Variants in RIC3 observed in about 807,000 individuals in gnomAD.
RIC3 encodes protein RIC-3.
A neutral mutation model predicts 27.3 loss-of-function variants in RIC3; 28 were observed. That is an observed-to-expected ratio of 1.02 (90% CI 0.76 to 1.41). The LOEUF is 1.41. RIC3 is among the 40% of genes most tolerant of loss of function. The pLI is 0.00. For missense variants in RIC3, 501 were observed against 444.7 expected (o/e 1.13, Z -1.14); for synonymous variants, 184 against 160.4 (o/e 1.15, Z -1.11).
rs546783626 is a variant in RIC3, at chr11:8,120,342, A to G, written c.670+6317T>C. The stretch of plus-strand genomic sequence containing the variant: ...TAAGAAAATGTGGCATATATACACC[A>G]TGGAATACTATGCATCCATAAAAAA... On this transcript the variant is annotated intron_variant, in intron 5 of 5. Coordinates refer to ENST00000309737, the MANE Select transcript of RIC3 (RefSeq NM_001206671.4). Among the ~76,000 whole-genome samples, 3 of 152,342 alleles carry G rather than the reference A, an allele frequency of 2.0e-5. No homozygotes were observed. In the South Asian group the frequency reaches 6.2e-4, roughly 32 times the overall value.
chr11:8,131,468 A>G (rs1471514774), intron 4 of RIC3, among the ~76,000 whole-genome samples: 2 of 152,188 alleles, frequency 1.3e-5, no homozygotes, highest in East Asian at 3.8e-4. Flanking sequence ...CATTCAACAG[A>G]TATTTATTAT....
chr11:8,153,323 TAA>T (rs1950398756), intron 1 of RIC3: 1 of 390,148 alleles, frequency 2.6e-6, no homozygotes. Flanking sequence ...TCTCTGTCTT[TAA>T]AAAGAGTTTA....
chr11:8,115,511 A>C (rs1359309491), intron 5 of RIC3, among the ~76,000 whole-genome samples: 3 of 152,116 alleles, frequency 2.0e-5, no homozygotes, highest in Non-Finnish European at 4.4e-5. Context: ...ACATATATAT[A>C]TATATGAAAG....
In RIC3 at chr11:8,142,931, G is replaced by T. The variant is rs200683365; in HGVS notation, c.125-2738C>A. ...AACAGAGCCAAAGACAAAAACCACA[G>T]GATTATCTCAATAGATGCAGAAAAA... On this transcript the variant is annotated intron_variant, in intron 1 of 5. Transcript: ENST00000309737. 5.6e-3 allele frequency among the ~76,000 whole-genome samples: 423 copies of T among 75,906 alleles called. 10 individuals are homozygous for T. Among genetic ancestry groups the T allele is most frequent in the African/African-American group, 0.038 (178 of 4,712 alleles). 49.8% of individuals were successfully genotyped at this position (75,906 alleles called of 152,430 possible).
chr11:8,141,688 C>T lies in RIC3; in HGVS notation c.125-1495G>A, dbSNP rs868259277. On this transcript the variant is annotated intron_variant, in intron 1 of 5. Transcript: ENST00000309737. ...CTGCACCAAGTGGACCTAATAGACACCTACAGAACTCTCCACCCCAAATCA... is the reference window on the plus strand; with the variant it reads ...CTGCACCAAGTGGACCTAATAGACATCTACAGAACTCTCCACCCCAAATCA... Among the ~76,000 whole-genome samples, 1,079 of 152,018 alleles carry T rather than the reference C, an allele frequency of 7.1e-3. 11 individuals carry two copies. Among genetic ancestry groups the T allele is most frequent in the African/African-American group, 0.025 (1,016 of 41,398 alleles).
At chr11:8,094,236 C>CT in the RIC3 span, 1 of 1,553,086 alleles carries the variant, frequency 6.4e-7, no homozygotes, top group African/African-American at 1.4e-5. Flanking sequence ...CTGGCCTCCA[C>CT]TGTAGGGCTG....
chr11:8,164,988 T>A (rs1356234944), intron 1 of RIC3, among the ~76,000 whole-genome samples: 1 of 152,074 alleles, frequency 6.6e-6, no homozygotes, highest in African/African-American at 2.4e-5. Context: ...AGGATGGCTA[T>A]CATCAAGAAG....
At chr11:8,098,110 G>A in the RIC3 span, among the ~76,000 whole-genome samples, 1 of 152,048 alleles carries the variant, frequency 6.6e-6, no homozygotes, top group Non-Finnish European at 1.5e-5. Flanking sequence ...GATAACGCAG[G>A]CCACCATGGA....
chr11:8,095,665 G>A, the RIC3 span: 1 of 1,595,478 alleles, frequency 6.3e-7, no homozygotes, highest in South Asian at 1.1e-5. Flanking sequence ...GCAGAGGAAG[G>A]GTGAGCCCCA....
intron 1 of RIC3, among the ~76,000 whole-genome samples, chr11:8,142,309 A>G (rs1379324202): frequency 1.4e-5 from 2 of 146,884 alleles, no homozygotes; most frequent in Non-Finnish European, 1.5e-5. Context: ...AAGAGAGAAG[A>G]ATCAAATAGA....
downstream of RIC3, chr11:8,103,974 T>G (rs961219209): frequency 6.6e-6 from 1 of 152,226 alleles, no homozygotes; most frequent in Non-Finnish European, 1.5e-5. Context: ...CTTTCTAGCC[T>G]AAGTGTGGAG....
At chr11:8,139,689 C>T (rs1183474775) in intron 2 of RIC3, 4 of 195,548 alleles carry the variant, frequency 2.0e-5, no homozygotes, top group African/African-American at 3.0e-5. Flanking sequence ...AATTGTATCA[C>T]TCACTGGATT....
rs150393581 is a variant in RIC3 at position 8,137,652 on chromosome 11, T to C, written c.428-181A>G. ...TAAGATTTCCAAAAAGGATGCAAAGTGTGACTGGGATATTTAGTTCCATAG... is the reference window on the plus strand; with the variant it reads ...TAAGATTTCCAAAAAGGATGCAAAGCGTGACTGGGATATTTAGTTCCATAG... On this transcript the variant is annotated intron_variant, in intron 3 of 5. Coordinates refer to ENST00000309737, the MANE Select transcript of RIC3 (RefSeq NM_001206671.4). Among the ~76,000 whole-genome samples, 7 of 152,342 alleles carry C rather than the reference T, an allele frequency of 4.6e-5. No homozygotes were observed. The East Asian group carries it at 1.2e-3, about 25-fold the overall frequency.
intron 1 of RIC3, among the ~76,000 whole-genome samples, chr11:8,161,169 C>T (rs909097245): frequency 5.3e-5 from 8 of 152,112 alleles, no homozygotes; most frequent in African/African-American, 1.9e-4. Context: ...CGGCACTTCA[C>T]GTAAGATACG....
In RIC3 at chr11:8,152,773, A is replaced by T. The variant is rs568450403; in HGVS notation, c.125-12580T>A. Among the ~76,000 whole-genome samples the T allele has an allele frequency of 7.2e-5, 11 of 152,194 alleles. No homozygotes were observed. In the South Asian group the frequency reaches 2.3e-3, roughly 32 times the overall value. ...AATAAAGCTTTTTTTTTTTAAAGAC[A>T]GCTAGTCTAACCACCTGTGTTTGAT... On this transcript the variant is annotated intron_variant, in intron 1 of 5. Coordinates refer to ENST00000309737, the MANE Select transcript of RIC3 (RefSeq NM_001206671.4).
At chr11:8,113,831 C>G (rs576529205) in intron 5 of RIC3, among the ~76,000 whole-genome samples, 1 of 152,292 alleles carries the variant, frequency 6.6e-6, no homozygotes, top group Admixed American at 6.5e-5. Context: ...AGCCTCCAGG[C>G]CCATTTCAGT....
In RIC3 at chr11:8,140,021, A is replaced by T. The variant is rs201908482; in HGVS notation, c.297T>A (p.Ile99=). Residue 99 remains isoleucine (I), a synonymous_variant, in exon 2 of 6, where the codon ATT becomes ATA. Transcript: ENST00000309737. ...GGSGRGLMGQ[I]IPIYGFGIFL... is the part of the protein sequence containing the mutation. ...AAATCCCAAAACCGTAGATTGGAAT[A>T]ATCTGCCCCATCAGACCTCTTCCAC... 448 of 1,613,996 alleles carry T rather than the reference A, an allele frequency of 2.8e-4. 1 individual carries two copies. The highest frequency in any genetic ancestry group is 2.8e-4 in the Non-Finnish European group (330 of 1,180,038).
downstream of RIC3, chr11:8,101,551 C>T (rs1944306905): frequency 1.2e-6 from 2 of 1,614,252 alleles, no homozygotes; most frequent in Non-Finnish European, 8.5e-7. Flanking sequence ...TTACAACTAC[C>T]CGCTGTGTGC....
chr11:8,151,125 CA>C lies in RIC3; in HGVS notation c.125-10933del, dbSNP rs200262900. Among the ~76,000 whole-genome samples the C allele has an allele frequency of 4.1e-4, 63 of 152,234 alleles. No individual in the cohort carries two copies. In the East Asian group the frequency reaches 6.2e-3, roughly 15 times the overall value. On this transcript the variant is annotated intron_variant, in intron 1 of 5. Transcript: ENST00000309737. ...GACACCAAAAGCACAAACAACAAAA[CA>C]AAAGGTAGGCAAAGTTGATGTCATC...
Sources: allele counts gnomAD v4.1 joint callset (sites outside exome capture counted in the v4.1 genomes callset), GRCh38; gene constraint gnomAD v4.1.1; transcripts MANE v1.5; gene names NCBI Gene and HGNC (gene_info 2026-07-23, HGNC 2026-07-21).